GRID2: variants seen among roughly 807,000 people sequenced by gnomAD.
GRID2 encodes the protein glutamate receptor ionotropic, delta-2.
GRID2 carries 33 observed loss-of-function variants against 114.8 expected under a neutral mutation model. The ratio of observed to expected loss-of-function variants is 0.29; its 90% CI spans 0.22 to 0.38. The LOEUF (loss-of-function observed/expected upper bound fraction) is 0.38, where lower values mean the gene tolerates loss of function less well. GRID2 is among the 10% of genes least tolerant of loss of function. The pLI is 1.00. For synonymous variants in GRID2, 505 were observed against 449.9 expected (o/e 1.12, Z -1.55); for missense variants, 1,184 against 1,257.7 (o/e 0.94, Z 0.89).
chr4:92,653,529 C>T (rs1285806229), intron 2 of GRID2, among the ~76,000 whole-genome samples: 1 of 151,804 alleles, frequency 6.6e-6, no homozygotes, highest in Non-Finnish European at 1.5e-5. Context: ...GGGCACATTT[C>T]CTTTAAGCCC....
intron 1 of GRID2, among the ~76,000 whole-genome samples, chr4:92,424,376 C>G (rs1732053826): frequency 1.3e-5 from 2 of 152,002 alleles, no homozygotes; most frequent in African/African-American, 4.8e-5. Flanking sequence ...GGACAATACT[C>G]CAAGTTCCCT....
chr4:92,940,928 A>G (rs926515953), intron 2 of GRID2, among the ~76,000 whole-genome samples: 8 of 152,144 alleles, frequency 5.3e-5, no homozygotes, highest in African/African-American at 1.7e-4. Flanking sequence ...CCTCTTGATC[A>G]TGGTGGATAA....
intron 4 of GRID2, among the ~76,000 whole-genome samples, chr4:93,155,670 T>A (rs1017112435): frequency 2.6e-5 from 4 of 151,726 alleles, no homozygotes; most frequent in African/African-American, 9.7e-5. Flanking sequence ...TGGAGATACA[T>A]GTACAAATAA....
rs139190884 is a variant in GRID2, at chr4:93,388,841, G to A, written c.1246-6766G>A. 4.6e-5 allele frequency among the ~76,000 whole-genome samples: 7 copies of A among 152,308 alleles called. No individual in the cohort carries two copies. In the East Asian group the frequency reaches 1.2e-3, roughly 25 times the overall value. ...GAGCTGGGCAAAGGATTGGATCTGA[G>A]AGGTGGTGAGACTGACAGCTTGATT... On this transcript the variant is annotated intron_variant, in intron 8 of 15. Transcript: ENST00000282020.
intron 9 of GRID2, among the ~76,000 whole-genome samples, chr4:93,396,482 G>C (rs1221099711): frequency 6.6e-6 from 1 of 151,968 alleles, no homozygotes; most frequent in East Asian, 1.9e-4. Flanking sequence ...GTCACATCCA[G>C]GGCATGTCAG....
intron 11 of GRID2, among the ~76,000 whole-genome samples, chr4:93,459,324 AT>A (rs57492612): frequency 5.3e-5 from 8 of 151,754 alleles, no homozygotes; most frequent in Non-Finnish European, 1.0e-4. Context: ...TCTAAGCCTA[AT>A]TTTTTTTGAA....
intron 1 of GRID2, among the ~76,000 whole-genome samples, chr4:92,492,536 G>A (rs978348608): frequency 6.6e-6 from 1 of 152,124 alleles, no homozygotes; most frequent in African/African-American, 2.4e-5. Flanking sequence ...CATCCTTTCA[G>A]ATATTCTTGG....
intron 13 of GRID2, among the ~76,000 whole-genome samples, chr4:93,521,196 G>A (rs1009639679): frequency 2.6e-5 from 4 of 152,094 alleles, no homozygotes; most frequent in Non-Finnish European, 5.9e-5. Context: ...GACAAGAGTA[G>A]GTTTGATAAG....
chr4:92,974,783 A>G (rs904329563), intron 2 of GRID2, among the ~76,000 whole-genome samples: 8 of 152,136 alleles, frequency 5.3e-5, no homozygotes, highest in African/African-American at 7.2e-5. Context: ...GTGTACATCT[A>G]TGTAACAAAA....
intron 4 of GRID2, among the ~76,000 whole-genome samples, chr4:93,141,231 G>C (rs187679259): frequency 4.0e-5 from 6 of 151,884 alleles, no homozygotes. Context: ...TTAATTAATA[G>C]GTATCTGAGG....
chr4:92,461,679 A>G (rs1560646831), intron 1 of GRID2, among the ~76,000 whole-genome samples: 2 of 151,972 alleles, frequency 1.3e-5, no homozygotes, highest in Admixed American at 6.6e-5. Flanking sequence ...CTCTTAAATC[A>G]TCGTGGATTA....
chr4:93,542,700 C>T (rs11940954), intron 13 of GRID2, among the ~76,000 whole-genome samples: 46,987 of 151,928 alleles, frequency 0.31, 7,936 homozygotes, highest in African/African-American at 0.43. Context: ...TGGGTCTGGT[C>T]GCAATGCTCA....
chr4:93,492,030 AT>A (rs1727058835), intron 12 of GRID2, among the ~76,000 whole-genome samples: 1 of 151,752 alleles, frequency 6.6e-6, no homozygotes, highest in South Asian at 2.1e-4. Context: ...CCCCCAATTT[AT>A]TGTCCATGTA....
chr4:93,110,598 A>G lies in GRID2; in HGVS notation c.530-150A>G. The G allele has an allele frequency of 4.6e-6, 3 of 649,272 alleles. No individual in the cohort carries two copies. The South Asian group carries it at 5.5e-5, about 12-fold the overall frequency. 40.2% of individuals were successfully genotyped at this position (649,272 alleles called of 1,614,324 possible). A position where few individuals can be genotyped will look rare whatever the true frequency, so the allele number is the denominator to read the frequency against. ...TTTCAAAATGTACCAAACCTTAAAC[A>G]TACTTGAGAGTTCCGTCAGCTACTC... On this transcript the variant is annotated intron_variant, in intron 3 of 15. Coordinates refer to ENST00000282020, the MANE Select transcript of GRID2 (RefSeq NM_001510.4).
At chr4:92,828,803 A>T (rs1385839899) in intron 2 of GRID2, among the ~76,000 whole-genome samples, 1 of 152,142 alleles carries the variant, frequency 6.6e-6, no homozygotes. Context: ...GGTATAAGTA[A>T]CTAAAAGAAG....
intron 2 of GRID2, among the ~76,000 whole-genome samples, chr4:93,004,406 G>A (rs1721298289): frequency 1.3e-5 from 2 of 151,900 alleles, no homozygotes; most frequent in Admixed American, 1.3e-4. Flanking sequence ...AGCTATATCT[G>A]TGCCTATGCA....
chr4:92,614,959 T>G (rs959563325), intron 2 of GRID2, among the ~76,000 whole-genome samples: 2 of 151,476 alleles, frequency 1.3e-5, no homozygotes, highest in East Asian at 3.9e-4. Flanking sequence ...TTTTTTTCTT[T>G]TAGTAACCTC....
chr4:93,362,308 G>A (rs111995088), intron 8 of GRID2, among the ~76,000 whole-genome samples: 1 of 152,118 alleles, frequency 6.6e-6, no homozygotes, highest in African/African-American at 2.4e-5. Context: ...TTGTGGGTGT[G>A]TGGGGAGTTG....
chr4:93,069,619 A>G (rs916569703), intron 2 of GRID2, among the ~76,000 whole-genome samples: 1 of 152,058 alleles, frequency 6.6e-6, no homozygotes, highest in African/African-American at 2.4e-5. Flanking sequence ...ATTAAGTTAG[A>G]ATGTGCCAAC....
Sources: gnomAD v4.1 joint callset for allele counts (sites outside exome capture counted in the v4.1 genomes callset) on GRCh38, gnomAD v4.1.1 for gene constraint, MANE v1.5 for transcripts, NCBI Gene and HGNC (gene_info 2026-07-23, HGNC 2026-07-21) for gene names.